Variants in SEC24D observed in about 807,000 individuals in gnomAD.
SEC24D encodes the protein protein transport protein Sec24D.
Under a neutral mutation model 116.9 loss-of-function variants are expected in SEC24D, and 69 were observed. That is an observed-to-expected ratio of 0.59 (90% CI 0.49 to 0.72). The LOEUF is 0.72. Among genes scored for constraint, SEC24D ranks in the 30% least tolerant of loss-of-function variants. The pLI is 0.00. For missense variants in SEC24D, 1,131 were observed against 1,264.1 expected (o/e 0.89, Z 1.60); for synonymous variants, 405 against 442.8 (o/e 0.91, Z 1.07).
chr4:118,827,594 T>TA (rs1425900399), intron 2 of SEC24D, among the ~76,000 whole-genome samples: 3 of 152,220 alleles, frequency 2.0e-5, no homozygotes, highest in Admixed American at 2.0e-4. Context: ...TAGACTGCCT[T>TA]ACAATTTGTT....
intron 3 of SEC24D, among the ~76,000 whole-genome samples, chr4:118,823,410 T>C (rs1014602173): frequency 3.9e-5 from 6 of 152,216 alleles, no homozygotes; most frequent in African/African-American, 7.2e-5. Context: ...TGGAGGACTA[T>C]AGGCTTCATG....
At chr4:118,819,825 A>G (rs1357580769) in intron 3 of SEC24D, among the ~76,000 whole-genome samples, 2 of 152,252 alleles carry the variant, frequency 1.3e-5, no homozygotes, top group Admixed American at 6.5e-5. Context: ...CAGGAGTTAT[A>G]ACACAAGCAG....
chr4:118,833,038 AG>A (rs1481125972), intron 2 of SEC24D, among the ~76,000 whole-genome samples: 1 of 152,226 alleles, frequency 6.6e-6, no homozygotes, highest in African/African-American at 2.4e-5. Flanking sequence ...GCCTCACTAA[AG>A]GGAGTCCTCA....
intron 9 of SEC24D, among the ~76,000 whole-genome samples, chr4:118,767,260 TCA>T (rs1400603287): frequency 6.6e-6 from 1 of 152,156 alleles, no homozygotes; most frequent in Non-Finnish European, 1.5e-5. Context: ...CAGAGAATGC[TCA>T]CAGAGCCAAG....
At chr4:118,745,171 CA>C in intron 13 of SEC24D, 111 bp from the exon 14 acceptor site, 1 of 653,634 alleles carries the variant, frequency 1.5e-6, no homozygotes, top group East Asian at 2.6e-5. Flanking sequence ...GCACTATATT[CA>C]TTTAATTTAA....
chr4:118,817,284 G>C lies in SEC24D; in HGVS notation c.377C>G (p.Ala126Gly). ...SVTQLGSQLS[A>G]MQINSYGSGM... ...ATTACCATAGCTGTTGATTTGCATAGCACTGAGCTGGCTGCCCAGCTGGGT... is the reference window on the plus strand; with the variant it reads ...ATTACCATAGCTGTTGATTTGCATACCACTGAGCTGGCTGCCCAGCTGGGT... Residue 126 changes from alanine (A) to glycine (G), a missense_variant, in exon 4 of 23, where the codon GCT becomes GGT. Ala to Gly is a moderately conservative substitution (Grantham distance 60). Transcript: ENST00000280551. The C allele has an allele frequency of 6.2e-7, 1 of 1,613,034 alleles. No individual in the cohort carries two copies. Among genetic ancestry groups the C allele is most frequent in the Non-Finnish European group, 8.5e-7 (1 of 1,179,500 alleles).
At position 118,797,781 on chromosome 4, in the gene SEC24D, T is replaced by C. The variant is rs541479161; in HGVS notation, c.943A>G (p.Thr315Ala). 1 of 1,607,754 alleles carries C rather than the reference T, an allele frequency of 6.2e-7. No homozygotes were observed. The highest frequency in any genetic ancestry group is 1.7e-4 in the Middle Eastern group (1 of 6,030). Reference protein sequence around the residue: ...GNASPRFIRCTTYCFPCTSDM... With the variant: ...GNASPRFIRCATYCFPCTSDM... ...GACGTGCATGGAAAACAGTATGTTG[T>C]ACAACGGATGAATCGAGGACTGGCA... Residue 315 changes from threonine (T) to alanine (A), a missense_variant, in exon 8 of 23, where the codon ACA (threonine) becomes GCA (alanine). By Grantham distance (58) the Thr-to-Ala change is moderately conservative. Coordinates refer to ENST00000280551, the MANE Select transcript of SEC24D (RefSeq NM_014822.4).
At chr4:118,783,902 G>A (rs1394013799) in intron 8 of SEC24D, among the ~76,000 whole-genome samples, 1 of 152,208 alleles carries the variant, frequency 6.6e-6, no homozygotes, top group Non-Finnish European at 1.5e-5. Flanking sequence ...ATCTGCTATT[G>A]ACGTAAACAC....
intron 3 of SEC24D, among the ~76,000 whole-genome samples, chr4:118,818,790 A>G (rs1730262061): frequency 6.6e-6 from 1 of 152,172 alleles, no homozygotes; most frequent in Non-Finnish European, 1.5e-5. Flanking sequence ...TGGTCTTTCC[A>G]TTCTTTCCAT....
chr4:118,812,504 G>C (rs1414686598), intron 6 of SEC24D, among the ~76,000 whole-genome samples: 1 of 152,112 alleles, frequency 6.6e-6, no homozygotes, highest in Non-Finnish European at 1.5e-5. Context: ...GCACATCAGC[G>C]GATAAAGATA....
At chr4:118,764,348 G>A (rs1727533727) in intron 10 of SEC24D, 1 of 154,562 alleles carries the variant, frequency 6.5e-6, no homozygotes, top group Non-Finnish European at 1.4e-5. Flanking sequence ...AGTGTAAGGG[G>A]GATTCTGAGA....
chr4:118,781,377 G>T (rs1728405068), intron 8 of SEC24D, among the ~76,000 whole-genome samples: 1 of 152,144 alleles, frequency 6.6e-6, no homozygotes, highest in Admixed American at 6.5e-5. Flanking sequence ...GAAATTCTGG[G>T]TTGAAAATTC....
At position 118,759,913 on chromosome 4, in the gene SEC24D, A is replaced by G. The variant is rs1029699105; in HGVS notation, c.1297-2068T>C. Among the ~76,000 whole-genome samples the G allele has an allele frequency of 2.0e-5, 3 of 152,190 alleles. No homozygotes were observed. In the South Asian group the frequency reaches 6.2e-4, roughly 32 times the overall value. The stretch of plus-strand genomic sequence containing the variant: ...CACACATCCACATAAAAGTTCTGCC[A>G]GCACCTTAGACTCAAAATTTTAGAG... On this transcript the variant is annotated intron_variant, in intron 10 of 22. Coordinates refer to ENST00000280551, the MANE Select transcript of SEC24D (RefSeq NM_014822.4).
intron 11 of SEC24D, among the ~76,000 whole-genome samples, chr4:118,753,723 T>G (rs2110458342): frequency 6.6e-6 from 1 of 152,238 alleles, no homozygotes; most frequent in South Asian, 2.1e-4. Context: ...GTACAGTCTA[T>G]TTTTGTCTCC....
At chr4:118,756,667 G>C (rs1366512393) in intron 11 of SEC24D, among the ~76,000 whole-genome samples, 1 of 152,050 alleles carries the variant, frequency 6.6e-6, no homozygotes, top group Non-Finnish European at 1.5e-5. Context: ...ACAGGTTGGG[G>C]GTGGGACACG....
chr4:118,762,372 T>G (rs1727428490), intron 10 of SEC24D, among the ~76,000 whole-genome samples: 2 of 152,176 alleles, frequency 1.3e-5, no homozygotes, highest in African/African-American at 4.8e-5. Flanking sequence ...AAGCTGGCAC[T>G]TACGCGGTCT....
intron 8 of SEC24D, among the ~76,000 whole-genome samples, chr4:118,776,723 T>C (rs1485274800): frequency 6.6e-6 from 1 of 152,186 alleles, no homozygotes; most frequent in East Asian, 1.9e-4. Flanking sequence ...TTACAATCTT[T>C]GACCTACTGT....
chr4:118,817,142 C>T, intron 4 of SEC24D, 122 bp downstream of exon 4: 1 of 774,396 alleles, frequency 1.3e-6, no homozygotes, highest in South Asian at 2.2e-5. Context: ...TTAAAAATGT[C>T]CAAATACTAC....
Position 118,732,767 on chromosome 4 carries a change from GAGTC to G in SEC24D, c.2638_2641del (p.Asp880LeufsTer15). 2 of 1,614,078 alleles carry G rather than the reference GAGTC, an allele frequency of 1.2e-6. No individual in the cohort carries two copies. Among genetic ancestry groups the G allele is most frequent in the South Asian group, 1.1e-5 (1 of 91,082 alleles). Reference sequence around the variant, plus strand: ...AAGTTGTGGGTAGAAGAAAAGCTGAGAGTCAGCCACACCCATGGTCATGACCAGC... The same window carrying G: ...AAGTTGTGGGTAGAAGAAAAGCTGAGAGCCACACCCATGGTCATGACCAGC... On this transcript the variant is annotated frameshift_variant, in exon 20 of 23. Transcript: ENST00000280551. LOFTEE classifies it high-confidence loss of function.
Sources: allele counts gnomAD v4.1 joint callset (sites outside exome capture counted in the v4.1 genomes callset), GRCh38; gene constraint gnomAD v4.1.1; transcripts MANE v1.5; gene names NCBI Gene and HGNC (gene_info 2026-07-23, HGNC 2026-07-21).